Variants in KCNC2 observed in about 807,000 individuals in gnomAD.
The protein encoded by KCNC2 is voltage-gated potassium channel KCNC2.
Under a neutral mutation model 44.5 loss-of-function variants are expected in KCNC2, and 21 were observed. That is an observed-to-expected ratio of 0.47 (90% CI 0.33 to 0.68). The LOEUF is 0.68. Among genes scored for constraint, KCNC2 ranks in the 30% least tolerant of loss-of-function variants. The pLI, the probability that KCNC2 is intolerant of heterozygous loss-of-function variation, is 0.01. For synonymous variants in KCNC2, 391 were observed against 339.1 expected (o/e 1.15, Z -1.68); for missense variants, 589 against 826.2 (o/e 0.71, Z 3.52).
chr12:75,091,598 A>G (rs1885482330), intron 2 of KCNC2, among the ~76,000 whole-genome samples: 1 of 151,742 alleles, frequency 6.6e-6, no homozygotes, highest in Non-Finnish European at 1.5e-5. Flanking sequence ...TCTAATTAGA[A>G]AGTCTTTACT....
At chr12:75,177,122 A>T (rs1593033608) in intron 2 of KCNC2, among the ~76,000 whole-genome samples, 2 of 150,962 alleles carry the variant, frequency 1.3e-5, no homozygotes, top group African/African-American at 4.9e-5. Flanking sequence ...CAATTGTTTT[A>T]GGGAGTGTTA....
At chr12:75,087,952 A>G (rs1454750056) in intron 2 of KCNC2, among the ~76,000 whole-genome samples, 1 of 151,992 alleles carries the variant, frequency 6.6e-6, no homozygotes, top group Non-Finnish European at 1.5e-5. Flanking sequence ...AACTGCCCCC[A>G]AGTGACAGAA....
chr12:75,097,342 A>G (rs1204705634), intron 2 of KCNC2, among the ~76,000 whole-genome samples: 1 of 152,130 alleles, frequency 6.6e-6, no homozygotes, highest in Non-Finnish European at 1.5e-5. Flanking sequence ...GTCATTATAC[A>G]TTTATCAAAA....
intron 2 of KCNC2, among the ~76,000 whole-genome samples, chr12:75,187,618 C>G (rs1325347334): frequency 6.6e-6 from 1 of 152,126 alleles, no homozygotes; most frequent in East Asian, 1.9e-4. Flanking sequence ...ATTGTAGGAC[C>G]CAGTTAAATG....
intron 3 of KCNC2, among the ~76,000 whole-genome samples, chr12:75,049,279 C>T (rs941615153): frequency 3.3e-5 from 5 of 151,964 alleles, no homozygotes; most frequent in African/African-American, 1.2e-4. Flanking sequence ...AAAATGATGC[C>T]TCCTTTTTTG....
chr12:75,070,495 A>T (rs1315653710), intron 2 of KCNC2, among the ~76,000 whole-genome samples: 2 of 152,202 alleles, frequency 1.3e-5, no homozygotes, highest in East Asian at 3.9e-4. Flanking sequence ...GCATAATATT[A>T]AAAAAATGCA....
chr12:75,200,093 C>T (rs944198208), intron 2 of KCNC2, among the ~76,000 whole-genome samples: 3 of 151,762 alleles, frequency 2.0e-5, no homozygotes, highest in Non-Finnish European at 4.4e-5. Flanking sequence ...AAAATAATGA[C>T]ATATTTCTGA....
chr12:75,184,296 C>T (rs2471650), intron 2 of KCNC2, among the ~76,000 whole-genome samples: 99,639 of 151,996 alleles, frequency 0.66, 34,913 homozygotes, highest in African/African-American at 0.91. Flanking sequence ...TAGGCTTTTA[C>T]AGGCTCTGAA....
intron 2 of KCNC2, among the ~76,000 whole-genome samples, chr12:75,115,777 T>G (rs536284162): frequency 1.3e-5 from 2 of 152,022 alleles, no homozygotes; most frequent in Non-Finnish European, 2.9e-5. Context: ...ATTATTTAAT[T>G]ATTTAAACAA....
intron 2 of KCNC2, among the ~76,000 whole-genome samples, chr12:75,200,954 G>A (rs919407707): frequency 1.3e-5 from 2 of 151,554 alleles, no homozygotes; most frequent in African/African-American, 4.8e-5. Context: ...GGAAAAACAT[G>A]GTGTTGTTGA....
chr12:75,080,608 G>A (rs1048261531), intron 2 of KCNC2, among the ~76,000 whole-genome samples: 4 of 152,072 alleles, frequency 2.6e-5, no homozygotes, highest in Non-Finnish European at 5.9e-5. Flanking sequence ...TGTACCAAAT[G>A]ACAAGTAGCA....
intron 2 of KCNC2, among the ~76,000 whole-genome samples, chr12:75,106,698 T>C (rs933152070): frequency 1.5e-4 from 23 of 152,190 alleles, no homozygotes; most frequent in African/African-American, 5.1e-4. Context: ...ACCACTCTTA[T>C]TAATAGAGCA....
intron 2 of KCNC2, among the ~76,000 whole-genome samples, chr12:75,092,710 A>G (rs1565847868): frequency 6.6e-6 from 1 of 151,708 alleles, no homozygotes; most frequent in Non-Finnish European, 1.5e-5. Context: ...TAAAAAATAA[A>G]TGAATAATTG....
chr12:75,141,897 C>A (rs1222292592), intron 2 of KCNC2, among the ~76,000 whole-genome samples: 1 of 152,120 alleles, frequency 6.6e-6, no homozygotes, highest in Non-Finnish European at 1.5e-5. Flanking sequence ...CTGTGCTAAG[C>A]AAATTATGTG....
chr12:75,065,666 GCTAGACCATATAGC>G (rs1198211114), intron 2 of KCNC2, among the ~76,000 whole-genome samples: 1 of 152,000 alleles, frequency 6.6e-6, no homozygotes, highest in Admixed American at 6.6e-5. Context: ...AAAGGATTAG[GCTAGACCATATAGC>G]CTAGAAGTGT....
In KCNC2 at chr12:75,068,832, C is replaced by G. The variant is rs547336009; in HGVS notation, c.688-17515G>C. Among the ~76,000 whole-genome samples, 3 of 152,186 alleles carry G rather than the reference C, an allele frequency of 2.0e-5. No individual in the cohort carries two copies. In the South Asian group the frequency reaches 6.2e-4, roughly 32 times the overall value. On this transcript the variant is annotated intron_variant, in intron 2 of 4. Transcript: ENST00000549446. ...AAACTGTGATAGGTTCAGGAATGAC[C>G]AGGGTAGAGGAAAGGAGGACTAACT... is the stretch of plus-strand genomic sequence containing the variant.
chr12:75,066,472 C>A (rs913193837), intron 2 of KCNC2, among the ~76,000 whole-genome samples: 2 of 152,084 alleles, frequency 1.3e-5, no homozygotes, highest in East Asian at 3.8e-4. Flanking sequence ...AAATCATTTG[C>A]TTTTAAAAAT....
At chr12:75,118,777 G>C (rs1423162806) in intron 2 of KCNC2, among the ~76,000 whole-genome samples, 1 of 152,190 alleles carries the variant, frequency 6.6e-6, no homozygotes, top group Non-Finnish European at 1.5e-5. Flanking sequence ...ATCGGTTAAG[G>C]ATTTAGTGCA....
chr12:75,086,443 T>C (rs999545463), intron 2 of KCNC2, among the ~76,000 whole-genome samples: 2 of 152,002 alleles, frequency 1.3e-5, no homozygotes, highest in African/African-American at 2.4e-5. Flanking sequence ...TTTTGTATGT[T>C]AATTTGCTTG....
Sources: gnomAD v4.1 joint callset for allele counts (sites outside exome capture counted in the v4.1 genomes callset) on GRCh38, gnomAD v4.1.1 for gene constraint, MANE v1.5 for transcripts, NCBI Gene and HGNC (gene_info 2026-07-23, HGNC 2026-07-21) for gene names.